SF3B1: variants seen among roughly 807,000 people sequenced by gnomAD.
SF3B1 encodes the protein pre-mRNA processing 10.
In SF3B1, 12 loss-of-function variants were observed where a neutral mutation model predicts 153.8. The observed-to-expected ratio is 0.08, with a 90% confidence interval of 0.05 to 0.13. The LOEUF (loss-of-function observed/expected upper bound fraction) is 0.13. Among genes scored for constraint, SF3B1 ranks in the 10% least tolerant of loss-of-function variants. SF3B1 has a pLI of 1.00. For missense variants in SF3B1, 513 were observed against 1,606.1 expected, an observed-to-expected ratio of 0.32 and a Z score of 11.63; for synonymous variants, 498 against 525.2, an observed-to-expected ratio of 0.95 and a Z score of 0.71.
chr2:197,398,313 T>C (rs924215012), intron 21 of SF3B1, 148 bp downstream of exon 21: 18 of 970,156 alleles, frequency 1.9e-5, no homozygotes, highest in Middle Eastern at 3.0e-4. Flanking sequence ...ACCATCCAAA[T>C]TGAAATTTGA....
In SF3B1 at chr2:197,400,695, G is replaced by T. The variant is rs2084929555; in HGVS notation, c.2718+20C>A. On this transcript the variant is annotated intron_variant, in intron 18 of 24. Coordinates refer to ENST00000335508, the MANE Select transcript of SF3B1 (RefSeq NM_012433.4). The surrounding 1 kb of genome is among the most constrained non-coding windows in gnomAD (Gnocchi z 5.0). Reference sequence around the variant, plus strand: ...CAAATATTAAAGTTAGTAGCAATGTGCCATAATAGTTTTCATTACCTCTGT... The same window carrying T: ...CAAATATTAAAGTTAGTAGCAATGTTCCATAATAGTTTTCATTACCTCTGT... The T allele has an allele frequency of 1.3e-6, 2 of 1,495,924 alleles. No homozygotes were observed. The highest frequency in any genetic ancestry group is 1.9e-6 in the Non-Finnish European group (2 of 1,077,690). 92.7% of individuals were successfully genotyped at this position (1,495,924 alleles called of 1,614,324 possible).
chr2:197,435,010 C>T lies in SF3B1; in HGVS notation c.-11G>A, dbSNP rs2085501621. On this transcript the variant is annotated 5_prime_UTR_variant, in exon 1 of 25. Coordinates refer to ENST00000335508, the MANE Select transcript of SF3B1 (RefSeq NM_012433.4). The stretch of plus-strand genomic sequence containing the variant: ...GGCGATCTTCGCCATTTTGTCCACT[C>T]GAACACACAGACGGAACTGGCGCTC... 2 of 1,614,156 alleles carry T rather than the reference C, an allele frequency of 1.2e-6. No homozygotes were observed. The highest frequency in any genetic ancestry group is 2.7e-5 in the African/African-American group (2 of 74,960).
chr2:197,422,415 G>T lies in SF3B1; in HGVS notation c.196-1282C>A, dbSNP rs376822479. ...ACACCGGGGCTTGTCATGGGGTGGG[G>T]GTAGGGGGGAGGGATAGCATTGGGA... On this transcript the variant is annotated intron_variant, in intron 2 of 24. Coordinates refer to ENST00000335508, the MANE Select transcript of SF3B1 (RefSeq NM_012433.4). 7.9e-5 allele frequency among the ~76,000 whole-genome samples: 12 copies of T among 152,050 alleles called. No individual in the cohort carries two copies. In the East Asian group the frequency reaches 2.3e-3, roughly 29 times the overall value.
chr2:197,403,499 G>A (rs2084956880), intron 12 of SF3B1, 86 bp downstream of exon 12: 3 of 836,086 alleles, frequency 3.6e-6, no homozygotes, highest in South Asian at 2.0e-5. Context: ...AAAGGAAAAG[G>A]TCTAGGAGAA....
chr2:197,428,150 C>T (rs1445581033), intron 1 of SF3B1, among the ~76,000 whole-genome samples: 2 of 151,960 alleles, frequency 1.3e-5, no homozygotes, highest in Admixed American at 6.6e-5. Context: ...CCTGTCTCTA[C>T]AAAAATTAGA....
chr2:197,428,622 G>A (rs998453886), intron 1 of SF3B1, among the ~76,000 whole-genome samples: 4 of 152,176 alleles, frequency 2.6e-5, no homozygotes, highest in African/African-American at 9.7e-5. Context: ...GGCTGAGCGC[G>A]GTGGCTCACG....
Position 197,408,394 on chromosome 2 carries a change from G to A in SF3B1, c.1092C>T (p.Ala364=). 4 of 1,614,128 alleles carry A rather than the reference G, an allele frequency of 2.5e-6. No individual in the cohort carries two copies. The part of the protein sequence containing the change: ...TPGKTPIGTP[A]MNMATPTPGH... ...CTGGAGTAGGGGTAGCCATGTTCATGGCTGGTGTGCCAATTGGTGTCTTTC... is the reference window on the plus strand; with the variant it reads ...CTGGAGTAGGGGTAGCCATGTTCATAGCTGGTGTGCCAATTGGTGTCTTTC... Residue 364 remains alanine (A), a synonymous_variant, in exon 8 of 25, where the codon GCC becomes GCT. Transcript: ENST00000335508.
intron 9 of SF3B1, 123 bp from the exon 10 acceptor site, chr2:197,405,595 C>T (rs2084981175): frequency 1.5e-6 from 1 of 666,950 alleles, no homozygotes; most frequent in Non-Finnish European, 2.6e-6. Context: ...TTGGAGACAA[C>T]ATCTATCTTG....
chr2:197,398,141 A>G, intron 21 of SF3B1, 25 bp from the exon 22 acceptor site: 1 of 1,561,480 alleles, frequency 6.4e-7, no homozygotes, highest in African/African-American at 1.4e-5. Flanking sequence ...ACACATATTA[A>G]TTATTGTGAC....
At chr2:197,426,993 C>G (rs2085346332) in intron 1 of SF3B1, among the ~76,000 whole-genome samples, 1 of 152,150 alleles carries the variant, frequency 6.6e-6, no homozygotes, top group Admixed American at 6.6e-5. Context: ...CCTGAAGTTT[C>G]AGCAACTAGT....
In SF3B1 at chr2:197,408,379, G is replaced by C; in HGVS notation, c.1107C>G (p.Thr369=). ...ATGAGACAGTTCTACCTGGAGTAGG[G>C]GTAGCCATGTTCATGGCTGGTGTGC... is the stretch of plus-strand genomic sequence containing the variant. The part of the protein sequence containing the change: ...PIGTPAMNMA[T]PTPGHIMSMT... Residue 369 remains threonine, a synonymous_variant, in exon 8 of 25, where the codon ACC becomes ACG. Coordinates refer to ENST00000335508, the MANE Select transcript of SF3B1 (RefSeq NM_012433.4). 1 of 1,613,160 alleles carries C rather than the reference G, an allele frequency of 6.2e-7. No homozygotes were observed. Among genetic ancestry groups the C allele is most frequent in the South Asian group, 1.1e-5 (1 of 91,064 alleles).
chr2:197,401,672 A>G lies in SF3B1; in HGVS notation c.2370+70T>C. 1 of 1,526,680 alleles carries G rather than the reference A, an allele frequency of 6.6e-7. No homozygotes were observed. Among genetic ancestry groups the G allele is most frequent in the East Asian group, 2.3e-5 (1 of 44,240 alleles). The allele number at this position is 1,526,680 out of a possible 1,614,324, so 94.6% of individuals were successfully genotyped here. On this transcript the variant is annotated intron_variant, in intron 16 of 24. Coordinates refer to ENST00000335508, the MANE Select transcript of SF3B1 (RefSeq NM_012433.4). This position sits in a 1 kb window ranked among gnomAD's most constrained non-coding sequence, Gnocchi z 4.2. ...ATACAGTTTTTTTTGTTGATTTTTA[A>G]AAACACTTTAAAATTCTGTTAGAAC...
intron 1 of SF3B1, among the ~76,000 whole-genome samples, chr2:197,424,321 G>GA (rs1559277849): frequency 1.3e-5 from 2 of 152,006 alleles, no homozygotes; most frequent in East Asian, 3.9e-4. Flanking sequence ...AACATATAGC[G>GA]AAACCCCGTC....
chr2:197,414,093 C>T (rs2106001646), intron 6 of SF3B1, among the ~76,000 whole-genome samples: 2 of 152,276 alleles, frequency 1.3e-5, no homozygotes, highest in South Asian at 4.1e-4. Flanking sequence ...CAGGCCTGAG[C>T]CACTCTGCCC....
chr2:197,400,998 T>A lies in SF3B1; in HGVS notation c.2497-62A>T. On this transcript the variant is annotated intron_variant, in intron 17 of 24. Transcript: ENST00000335508. The surrounding 1 kb of genome is among the most constrained non-coding windows in gnomAD (Gnocchi z 5.0). ...GCTTTTCCAAGGAAATAAAGCAACA[T>A]CATGAAAACCAAATACTCTAAATAT... The A allele has an allele frequency of 9.9e-7, 1 of 1,007,258 alleles. No homozygotes were observed. The highest frequency in any genetic ancestry group is 1.5e-6 in the Non-Finnish European group (1 of 663,308). 62.4% of individuals were successfully genotyped at this position (1,007,258 alleles called of 1,614,324 possible).
At chr2:197,395,297 G>A (rs1037609752) in intron 23 of SF3B1, among the ~76,000 whole-genome samples, 34 of 152,272 alleles carry the variant, frequency 2.2e-4, no homozygotes, top group African/African-American at 7.2e-4. Context: ...TTGTCTCCAT[G>A]TCTTGCATAT....
chr2:197,403,194 CCA>C (rs1445997731), intron 12 of SF3B1, among the ~76,000 whole-genome samples, 159 bp from the exon 13 acceptor site: 1 of 152,086 alleles, frequency 6.6e-6, no homozygotes, highest in East Asian at 1.9e-4. Context: ...AGTTCAAACT[CCA>C]GACAGAGATG....
intron 20 of SF3B1, among the ~76,000 whole-genome samples, chr2:197,399,671 T>A (rs1325786701): frequency 6.6e-6 from 1 of 152,116 alleles, no homozygotes; most frequent in Non-Finnish European, 1.5e-5. Context: ...AAGGTTTAAA[T>A]ATATATATAT....
At chr2:197,392,929 A>AG in intron 24 of SF3B1, 43 bp downstream of exon 24, 1 of 848,792 alleles carries the variant, frequency 1.2e-6, no homozygotes, top group Non-Finnish European at 1.7e-6. Flanking sequence ...AGTATTATTT[A>AG]AAAAAAAAAA....
Sources: gnomAD v4.1 joint callset for allele counts (sites outside exome capture counted in the v4.1 genomes callset) on GRCh38, gnomAD v4.1.1 for gene constraint, Gnocchi (gnomAD v3.1) non-coding constraint, MANE v1.5 for transcripts, NCBI Gene and HGNC (gene_info 2026-07-23, HGNC 2026-07-21) for gene names.